Variants in CYP4F11 observed in about 807,000 individuals in gnomAD.
CYP4F11 encodes cytochrome P450 4F11.
CYP4F11 carries 79 observed loss-of-function variants against 62.2 expected under a neutral mutation model. The ratio of observed to expected loss-of-function variants is 1.27; its 90% CI spans 1.06 to 1.53. The LOEUF (loss-of-function observed/expected upper bound fraction) is 1.53. Ranked by LOEUF, CYP4F11 falls within the 40% of genes most tolerant of loss-of-function variation. The probability of loss-of-function intolerance (pLI) is 0.00; values close to 1 mark genes in which losing one functional copy is unlikely to be tolerated. For missense variants in CYP4F11, 777 were observed against 680.5 expected, an observed-to-expected ratio of 1.14 and a Z score of -1.58; for synonymous variants, 290 against 263.7, an observed-to-expected ratio of 1.10 and a Z score of -0.97.
intron 8 of CYP4F11, among the ~76,000 whole-genome samples, chr19:15,919,045 T>A (rs2886295): frequency 0.39 from 58,362 of 149,044 alleles, 12,603 homozygotes; most frequent in Non-Finnish European, 0.48. Flanking sequence ...ATATATGAAA[T>A]ACATATTTCT....
chr19:15,921,062 CTCTCTCTCTCTCTCTCTCTCTCTCTCT>C (rs2089623747), intron 8 of CYP4F11, among the ~76,000 whole-genome samples: 1 of 4,782 alleles, frequency 2.1e-4, no homozygotes, highest in South Asian at 7.8e-3. Context: ...CTGTCTCTCT[CTCTCTCTCTCTCTCTCTCTCTCTCTCT>C]CTCTCTCTCT....
intron 11 of CYP4F11, 57 bp downstream of exon 11, chr19:15,914,248 T>G: frequency 6.4e-7 from 1 of 1,559,464 alleles, no homozygotes; most frequent in Non-Finnish European, 8.8e-7. Flanking sequence ...AACTTCCCCC[T>G]TTTTGGACCC....
At chr19:15,924,621 C>T in intron 5 of CYP4F11, 140 bp downstream of exon 5, 1 of 907,010 alleles carries the variant, frequency 1.1e-6, no homozygotes, top group Non-Finnish European at 1.7e-6. Context: ...CTTTCCCCCT[C>T]CCCATCCTTC....
At chr19:15,925,029 G>A in intron 4 of CYP4F11, 147 bp from the exon 5 acceptor site, 2 of 903,358 alleles carry the variant, frequency 2.2e-6, no homozygotes, top group South Asian at 3.8e-5. Flanking sequence ...GCCTTGGATA[G>A]GAGCAGAAAC....
Position 15,912,412 on chromosome 19 carries a change from A to G in CYP4F11, c.*1320T>C, listed in dbSNP as rs2089536502. On this transcript the variant is annotated 3_prime_UTR_variant, in exon 12 of 12. Coordinates refer to ENST00000402119, the MANE Select transcript of CYP4F11 (RefSeq NM_021187.4). Reference sequence around the variant, plus strand: ...CAACTTATATTTGATAAAGGTGCAAAGGCAATACGATGGTCCCAAATAAAA... The same window carrying G: ...CAACTTATATTTGATAAAGGTGCAAGGGCAATACGATGGTCCCAAATAAAA... 6.6e-6 allele frequency: 1 copy of G among 152,162 alleles called. No individual in the cohort carries two copies. The highest frequency in any genetic ancestry group is 1.5e-5 in the Non-Finnish European group (1 of 68,032). The allele number at this position is 152,162 out of a possible 1,614,324, so 9.4% of individuals were successfully genotyped here. A position where few individuals can be genotyped will look rare whatever the true frequency, so the allele number is the denominator to read the frequency against.
intron 8 of CYP4F11, among the ~76,000 whole-genome samples, chr19:15,915,652 C>T (rs1389127075): frequency 6.6e-6 from 1 of 151,610 alleles, no homozygotes; most frequent in Non-Finnish European, 1.5e-5. Flanking sequence ...ACACATATTC[C>T]ATATCTTTTC....
chr19:15,920,749 T>C (rs2365174), intron 8 of CYP4F11, among the ~76,000 whole-genome samples: 78,036 of 151,844 alleles, frequency 0.51, 21,176 homozygotes, highest in Non-Finnish European at 0.6. Context: ...GCTACCTGTC[T>C]CTTCCCATTG....
At chr19:15,920,033 G>C (rs556503596) in intron 8 of CYP4F11, among the ~76,000 whole-genome samples, 1 of 152,090 alleles carries the variant, frequency 6.6e-6, no homozygotes, top group African/African-American at 2.4e-5. Flanking sequence ...AATAATAATA[G>C]ATTATGTTTT....
intron 1 of CYP4F11, among the ~76,000 whole-genome samples, chr19:15,930,017 T>A (rs1265947621): frequency 1.3e-5 from 2 of 152,008 alleles, no homozygotes; most frequent in Non-Finnish European, 2.9e-5. Flanking sequence ...TCCTCCATCA[T>A]CACATTTTCC....
rs1415025981 is a variant in CYP4F11, at chr19:15,912,730, T to C, written c.*1002A>G. 3.2e-4 allele frequency: 23 copies of C among 70,788 alleles called. No individual in the cohort carries two copies. The highest frequency in any genetic ancestry group is 1.3e-3 in the African/African-American group (23 of 17,788). The allele number at this position is 70,788 out of a possible 1,614,324, so 4.4% of individuals were successfully genotyped here. On this transcript the variant is annotated 3_prime_UTR_variant, in exon 12 of 12. Coordinates refer to ENST00000402119, the MANE Select transcript of CYP4F11 (RefSeq NM_021187.4). ...GTGTGTGTGTGTGTGTGTGTGTGTG[T>C]GTGTATATGTATATATGTGTGTGTG...
rs2089678948 is a variant in CYP4F11 at position 15,927,425 on chromosome 19, C to G, written c.397+5G>C. 6.2e-7 allele frequency: 1 copy of G among 1,614,024 alleles called. No homozygotes were observed. Among genetic ancestry groups the G allele is most frequent in the Admixed American group, 1.7e-5 (1 of 60,002 alleles). Reference sequence around the variant, plus strand: ...TCCCCAACCCCATTCACCTCAATTACTCACCCAGCCAGGGCTTCAGGAAGC... The same window carrying G: ...TCCCCAACCCCATTCACCTCAATTAGTCACCCAGCCAGGGCTTCAGGAAGC... On this transcript the variant is annotated splice_donor_5th_base_variant and intron_variant, in intron 3 of 11. Transcript: ENST00000402119.
intron 8 of CYP4F11, among the ~76,000 whole-genome samples, chr19:15,921,077 TCTC>T (rs1568482713): frequency 3.2e-4 from 6 of 18,536 alleles, no homozygotes; most frequent in Non-Finnish European, 8.3e-4. Flanking sequence ...TCTCTCTCTC[TCTC>T]TCTCTCTCTC....
chr19:15,922,151 G>T lies in CYP4F11; in HGVS notation c.1001C>A (p.Ala334Asp). 6.2e-7 allele frequency: 1 copy of T among 1,612,758 alleles called. No individual in the cohort carries two copies. The highest frequency in any genetic ancestry group is 8.5e-7 in the Non-Finnish European group (1 of 1,179,458). ...GTATAGGACCCAGGAGAGACCACTG[G>T]CTGTAGTGTCATGGCCTGAGGGGCA... ...TFMFEGHDTT[A>D]SGLSWVLYHL... The change falls in exon 8 of 12, where the codon GCC becomes GAC. Residue 334 changes from alanine (A) to aspartate (D), a missense_variant. Physicochemically the swap from Ala to Asp is moderately radical, Grantham distance 126 (BLOSUM62 -2). Transcript: ENST00000402119.
intron 1 of CYP4F11, among the ~76,000 whole-genome samples, chr19:15,931,083 A>C (rs1005923385): frequency 6.6e-6 from 1 of 152,108 alleles, no homozygotes; most frequent in Non-Finnish European, 1.5e-5. Flanking sequence ...GCTTCTGAAA[A>C]GAGAAGGGAG....
rs1393369138 is a variant in CYP4F11 at position 15,922,377 on chromosome 19, G to A, written c.972C>T (p.Thr324=). Reference sequence around the variant, plus strand: ...TGAGACCCTCACCCTCAAACATGAAGGTGTCAGCTTCTGCTCTTATGTCCT... The same window carrying A: ...TGAGACCCTCACCCTCAAACATGAAAGTGTCAGCTTCTGCTCTTATGTCCT... ...SDEDIRAEAD[T]FMFEGHDTTA... The change falls in exon 7 of 12, where the codon ACC becomes ACT. Residue 324 remains threonine, a synonymous_variant. Coordinates refer to ENST00000402119, the MANE Select transcript of CYP4F11 (RefSeq NM_021187.4). 1 of 1,613,988 alleles carries A rather than the reference G, an allele frequency of 6.2e-7. No individual in the cohort carries two copies. Among genetic ancestry groups the A allele is most frequent in the African/African-American group, 1.3e-5 (1 of 74,882 alleles).
chr19:15,925,455 A>G (rs1351820721), intron 4 of CYP4F11, among the ~76,000 whole-genome samples: 1 of 151,956 alleles, frequency 6.6e-6, no homozygotes, highest in Non-Finnish European at 1.5e-5. Context: ...ATTGCTATAA[A>G]TTCATTTCAA....
intron 8 of CYP4F11, among the ~76,000 whole-genome samples, chr19:15,918,441 G>GA (rs926780290): frequency 5.3e-5 from 8 of 151,702 alleles, no homozygotes; most frequent in African/African-American, 1.9e-4. Flanking sequence ...AATAAAAGTT[G>GA]AAAAAAATAA....
At chr19:15,931,572 A>AGTGAGCGAGGAGAGGAG (rs1568257373) in intron 1 of CYP4F11, among the ~76,000 whole-genome samples, 2 of 116,388 alleles carry the variant, frequency 1.7e-5, no homozygotes, top group African/African-American at 3.1e-5. Context: ...GAGGAGAGGA[A>AGTGAGCGAGGAGAGGAG]TGAGTGAGCG....
At chr19:15,914,183 G>T in intron 11 of CYP4F11, 122 bp downstream of exon 11, 1 of 1,275,502 alleles carries the variant, frequency 7.8e-7, no homozygotes, top group African/African-American at 1.5e-5. Flanking sequence ...GTGAACAGTT[G>T]CCCATGAACT....
Sources: gnomAD v4.1 joint callset for allele counts (sites outside exome capture counted in the v4.1 genomes callset) on GRCh38, gnomAD v4.1.1 for gene constraint, MANE v1.5 for transcripts, NCBI Gene and HGNC (gene_info 2026-07-23, HGNC 2026-07-21) for gene names.